Variants in NFIC observed in about 807,000 individuals in gnomAD.
NFIC encodes the protein nuclear factor 1 C-type.
In NFIC, 12 loss-of-function variants were observed where a neutral mutation model predicts 54.4. The ratio of observed to expected loss-of-function variants is 0.22; its 90% CI spans 0.14 to 0.36. The LOEUF (loss-of-function observed/expected upper bound fraction) is 0.36, where lower values mean the gene tolerates loss of function less well. Among genes scored for constraint, NFIC ranks in the 10% least tolerant of loss-of-function variants. The pLI is 1.00. For missense variants in NFIC, 575 were observed against 718.2 expected, an observed-to-expected ratio of 0.80 and a Z score of 2.28; for synonymous variants, 322 against 319.2, an observed-to-expected ratio of 1.01 and a Z score of -0.09.
At position 3,453,353 on chromosome 19, in the gene NFIC, G is replaced by A. The variant is rs2082498072; in HGVS notation, c.1270-410G>A. On this transcript the variant is annotated intron_variant, in intron 8 of 10. Coordinates refer to ENST00000443272, the MANE Select transcript of NFIC (RefSeq NM_001245002.2). The surrounding 1 kb of genome is among the most constrained non-coding windows in gnomAD (Gnocchi z 6.7). ...CCAGACTCCACAGGAAGCTTTGGAT[G>A]TTCAGAGCTTTTCGGACTTTGGAAC... Among the ~76,000 whole-genome samples the A allele has an allele frequency of 2.0e-5, 3 of 152,352 alleles. No homozygotes were observed. The highest frequency in any genetic ancestry group is 2.1e-4 in the South Asian group (1 of 4,830).
rs57006287 is a variant in NFIC at position 3,429,136 on chromosome 19, TACACACACACACACAC to T, written c.634+3982_634+3997del. ...CCTATCTCTACCCAAAAAAAAAATA[TACACACACACACACAC>T]ACACACACACACACACACACACTAG... On this transcript the variant is annotated intron_variant, in intron 3 of 10. Coordinates refer to ENST00000443272, the MANE Select transcript of NFIC (RefSeq NM_001245002.2). 9.5e-5 allele frequency among the ~76,000 whole-genome samples: 8 copies of T among 83,894 alleles called. 1 individual carries two copies. In the South Asian group the frequency reaches 1.8e-3, roughly 19 times the overall value. The allele number at this position is 83,894 out of a possible 152,430, so 55.0% of individuals were successfully genotyped here.
rs528385359 is a variant in NFIC, at chr19:3,369,642, C to T, written c.30+2976C>T. ...GGGCCGGGCTCAGCGGTGACTCAAG[C>T]GCTTTTTCACTTTTACTCTTAAGAG... On this transcript the variant is annotated intron_variant, in intron 1 of 10. Transcript: ENST00000443272. This position sits in a 1 kb window ranked among gnomAD's most constrained non-coding sequence, Gnocchi z 4.3. Among the ~76,000 whole-genome samples, 18 of 152,114 alleles carry T rather than the reference C, an allele frequency of 1.2e-4. No homozygotes were observed. Among genetic ancestry groups the T allele is most frequent in the Middle Eastern group, 3.4e-3 (1 of 294 alleles).
intron 3 of NFIC, among the ~76,000 whole-genome samples, chr19:3,432,659 C>T (rs556623845): frequency 4.0e-5 from 6 of 148,392 alleles, no homozygotes; most frequent in South Asian, 2.1e-4. Context: ...CCCAGGCCTC[C>T]GCTTTCCGCT....
rs1599737730 is a variant in NFIC, at chr19:3,463,361, G to A, written c.*592G>A. 6 of 986,224 alleles carry A rather than the reference G, an allele frequency of 6.1e-6. 1 individual carries two copies. Among genetic ancestry groups the A allele is most frequent in the African/African-American group, 5.2e-5 (3 of 57,326 alleles). The allele number at this position is 986,224 out of a possible 1,614,324, so 61.1% of individuals were successfully genotyped here. A position where few individuals can be genotyped will look rare whatever the true frequency, so the allele number is the denominator to read the frequency against. On this transcript the variant is annotated 3_prime_UTR_variant, in exon 11 of 11. Transcript: ENST00000443272. The stretch of plus-strand genomic sequence containing the variant: ...GGGAAAGGGAGACACAGCGGACCCC[G>A]GCCGGGCAGCGGAGACCGCAGAGGC...
chr19:3,463,129 G>C lies in NFIC; in HGVS notation c.*360G>C. 8.7e-7 allele frequency: 1 copy of C among 1,146,294 alleles called. No homozygotes were observed. Among genetic ancestry groups the C allele is most frequent in the Non-Finnish European group, 1.1e-6 (1 of 931,710 alleles). 71.0% of individuals were successfully genotyped at this position (1,146,294 alleles called of 1,614,324 possible). A position where few individuals can be genotyped will look rare whatever the true frequency, so the allele number is the denominator to read the frequency against. On this transcript the variant is annotated 3_prime_UTR_variant, in exon 11 of 11. Transcript: ENST00000443272. ...TTCCTAAGTTATTCATCTCCTCTCCGCCTGCTGCTCGGGAAGGACAGACGC... is the reference window on the plus strand; with the variant it reads ...TTCCTAAGTTATTCATCTCCTCTCCCCCTGCTGCTCGGGAAGGACAGACGC...
chr19:3,436,133 T>TTTTG (rs10655460), intron 6 of NFIC, among the ~76,000 whole-genome samples: 49,871 of 147,622 alleles, frequency 0.34, 9,249 homozygotes, highest in East Asian at 0.74. Flanking sequence ...CGGCCTCTGT[T>TTTTG]TTTGTTTGTT....
chr19:3,463,037 ACG>A lies in NFIC; in HGVS notation c.*270_*271del. ...AGACGCAACGTTTCCAACTCTCGGG[ACG>A]CCAAGGCCGCAGGACTGGAGGGCCA... On this transcript the variant is annotated 3_prime_UTR_variant, in exon 11 of 11. Transcript: ENST00000443272. 1.5e-6 allele frequency: 2 copies of A among 1,346,608 alleles called. No homozygotes were observed. Among genetic ancestry groups the A allele is most frequent in the Non-Finnish European group, 1.9e-6 (2 of 1,052,856 alleles). 83.4% of individuals were successfully genotyped at this position (1,346,608 alleles called of 1,614,324 possible).
chr19:3,383,871 A>G (rs1040767145), intron 2 of NFIC, among the ~76,000 whole-genome samples: 8 of 152,288 alleles, frequency 5.3e-5, no homozygotes, highest in African/African-American at 1.4e-4. Flanking sequence ...TGCTCCAGAC[A>G]CAGCCCTTCT....
At chr19:3,417,091 T>C (rs189029050) in intron 2 of NFIC, among the ~76,000 whole-genome samples, 4,578 of 150,562 alleles carry the variant, frequency 0.03, 213 homozygotes, top group African/African-American at 0.1. Flanking sequence ...TTCACCATGT[T>C]AGCCAGGATG....
chr19:3,359,780 G>T, intron 1 of NFIC: 1 of 1,275,518 alleles, frequency 7.8e-7, no homozygotes, highest in Non-Finnish European at 1.0e-6. Flanking sequence ...GGGGACAGGG[G>T]GCGGGGGCCG....
At chr19:3,374,538 G>A (rs1443005081) in intron 1 of NFIC, among the ~76,000 whole-genome samples, 1 of 152,198 alleles carries the variant, frequency 6.6e-6, no homozygotes, top group African/African-American at 2.4e-5. Flanking sequence ...CTCCGACAGT[G>A]GGTGCCTCAA....
chr19:3,441,387 A>G (rs8110742), intron 6 of NFIC, among the ~76,000 whole-genome samples: 23,193 of 152,274 alleles, frequency 0.15, 3,425 homozygotes, highest in African/African-American at 0.38. Flanking sequence ...ACTCTGTGAG[A>G]TCAGGGCTGC....
chr19:3,429,499 G>C (rs2082088439), intron 3 of NFIC, among the ~76,000 whole-genome samples: 1 of 152,126 alleles, frequency 6.6e-6, no homozygotes, highest in Non-Finnish European at 1.5e-5. Flanking sequence ...GCTGAGGCAG[G>C]AGCATCACTT....
At chr19:3,382,648 T>C (rs1219202312) in intron 2 of NFIC, among the ~76,000 whole-genome samples, 1 of 133,528 alleles carries the variant, frequency 7.5e-6, no homozygotes, top group Non-Finnish European at 1.6e-5. Context: ...TGCGTGTAGA[T>C]GTGATGTGGT....
intron 9 of NFIC, chr19:3,454,451 C>T (rs568082099): frequency 3.6e-4 from 62 of 173,922 alleles, no homozygotes; most frequent in African/African-American, 1.1e-3. Context: ...GGACTCTCTT[C>T]GCCTGTCCAC....
At chr19:3,363,386 C>T (rs750321930), upstream of NFIC, among the ~76,000 whole-genome samples, 11 of 150,510 alleles carry the variant, frequency 7.3e-5, no homozygotes, top group Non-Finnish European at 1.3e-4. Context: ...AACCTCCAGC[C>T]TCAGCCTCCC....
chr19:3,420,556 A>AAATAAATAAATAAATAAAT (rs2081937253), intron 2 of NFIC, among the ~76,000 whole-genome samples: 6 of 142,680 alleles, frequency 4.2e-5, no homozygotes, highest in African/African-American at 1.6e-4. Context: ...CCATCTCAAA[A>AAATAAATAAATAAATAAAT]AAATAAATAA....
At chr19:3,392,615 C>A (rs2081393460) in intron 2 of NFIC, among the ~76,000 whole-genome samples, 1 of 152,204 alleles carries the variant, frequency 6.6e-6, no homozygotes, top group Non-Finnish European at 1.5e-5. Context: ...CCTTGTTGCA[C>A]CTGTGATGCC....
intron 2 of NFIC, among the ~76,000 whole-genome samples, chr19:3,387,735 G>A (rs1013367027): frequency 6.6e-6 from 1 of 151,886 alleles, no homozygotes; most frequent in African/African-American, 2.4e-5. Context: ...CATGGAGCTG[G>A]CTGGGATGTT....
Sources: gnomAD v4.1 joint callset for allele counts (sites outside exome capture counted in the v4.1 genomes callset) on GRCh38, gnomAD v4.1.1 for gene constraint, Gnocchi (gnomAD v3.1) non-coding constraint, MANE v1.5 for transcripts, NCBI Gene and HGNC (gene_info 2026-07-23, HGNC 2026-07-21) for gene names.